The following CNTNAP5 variants were observed in gnomAD, a reference collection of about 807,000 sequenced individuals.
CNTNAP5 encodes the protein contactin-associated protein-like 5.
CNTNAP5 carries 72 observed loss-of-function variants against 150.2 expected under a neutral mutation model. That is an observed-to-expected ratio of 0.48 (90% CI 0.40 to 0.58). The LOEUF is 0.58. Among genes scored for constraint, CNTNAP5 ranks in the 20% least tolerant of loss-of-function variants. CNTNAP5 has a pLI of 0.00. For synonymous variants in CNTNAP5, 672 were observed against 619.8 expected (o/e 1.08, Z -1.25); for missense variants, 1,636 against 1,626.2 (o/e 1.01, Z -0.10).
chr2:124,579,721 T>C (rs961509787), intron 11 of CNTNAP5, among the ~76,000 whole-genome samples: 2 of 152,174 alleles, frequency 1.3e-5, no homozygotes, highest in Non-Finnish European at 2.9e-5. Context: ...AAATGAGTGA[T>C]CGTGAGGGCA....
chr2:124,194,633 T>C (rs1380630413), intron 1 of CNTNAP5, among the ~76,000 whole-genome samples: 1 of 150,720 alleles, frequency 6.6e-6, no homozygotes. Flanking sequence ...AAATTTTGCT[T>C]AGAATAATTT....
intron 7 of CNTNAP5, among the ~76,000 whole-genome samples, chr2:124,482,422 T>C (rs1693781526): frequency 6.6e-6 from 1 of 152,178 alleles, no homozygotes; most frequent in African/African-American, 2.4e-5. Context: ...TTCCTCCTCT[T>C]ATGGAAAGCA....
At chr2:124,531,131 G>A (rs745509494) in intron 10 of CNTNAP5, among the ~76,000 whole-genome samples, 30 of 152,040 alleles carry the variant, frequency 2.0e-4, no homozygotes, top group African/African-American at 6.0e-4. Context: ...GGTGATCGAA[G>A]ACAGTGACAG....
At chr2:124,767,777 C>T (rs1006981749) in intron 16 of CNTNAP5, among the ~76,000 whole-genome samples, 2 of 152,116 alleles carry the variant, frequency 1.3e-5, no homozygotes, top group African/African-American at 4.8e-5. Context: ...GGACTGGCTT[C>T]GTTTATGGTT....
intron 3 of CNTNAP5, among the ~76,000 whole-genome samples, chr2:124,356,628 A>T (rs1360635387): frequency 6.6e-6 from 1 of 152,054 alleles, no homozygotes; most frequent in Non-Finnish European, 1.5e-5. Flanking sequence ...CCTACAAAGG[A>T]CATGAGCTCA....
At chr2:124,603,360 T>A (rs1179134605) in intron 11 of CNTNAP5, among the ~76,000 whole-genome samples, 1 of 152,202 alleles carries the variant, frequency 6.6e-6, no homozygotes, top group Non-Finnish European at 1.5e-5. Context: ...GTGTTACATA[T>A]GTCTTATTGT....
intron 12 of CNTNAP5, among the ~76,000 whole-genome samples, chr2:124,622,154 G>T (rs895932743): frequency 2.0e-4 from 30 of 149,576 alleles, no homozygotes; most frequent in Non-Finnish European, 3.0e-5. Context: ...AGTGTGTGTT[G>T]TTCCCCCTCC....
At chr2:124,162,416 T>C (rs1368217585) in intron 1 of CNTNAP5, among the ~76,000 whole-genome samples, 2 of 152,316 alleles carry the variant, frequency 1.3e-5, no homozygotes, top group East Asian at 3.9e-4. Context: ...CAGTTACTCA[T>C]GTGATGCCAC....
intron 1 of CNTNAP5, among the ~76,000 whole-genome samples, chr2:124,210,802 T>C (rs548717583): frequency 1.3e-5 from 2 of 152,332 alleles, no homozygotes; most frequent in East Asian, 3.9e-4. Flanking sequence ...TTTTTAAGTT[T>C]ATAATCTTCA....
intron 14 of CNTNAP5, among the ~76,000 whole-genome samples, chr2:124,754,852 C>G (rs1680805144): frequency 6.6e-6 from 1 of 151,744 alleles, no homozygotes; most frequent in Non-Finnish European, 1.5e-5. Flanking sequence ...TGTGCCCAGC[C>G]TACATTTTTT....
intron 1 of CNTNAP5, among the ~76,000 whole-genome samples, chr2:124,167,051 G>T (rs1433503260): frequency 6.6e-6 from 1 of 151,458 alleles, no homozygotes; most frequent in Non-Finnish European, 1.5e-5. Flanking sequence ...TATATTTTTT[G>T]TCCTGTCGTC....
intron 1 of CNTNAP5, among the ~76,000 whole-genome samples, chr2:124,189,966 T>C (rs1161301264): frequency 6.6e-6 from 1 of 152,226 alleles, no homozygotes; most frequent in Non-Finnish European, 1.5e-5. Context: ...TGAACAAGTC[T>C]TTTAACTTCA....
chr2:124,334,913 A>G (rs1009252178), intron 3 of CNTNAP5, among the ~76,000 whole-genome samples: 1 of 152,088 alleles, frequency 6.6e-6, no homozygotes. Context: ...ATTTATTCCA[A>G]CAGAGACTCA....
intron 8 of CNTNAP5, 149 bp downstream of exon 8, chr2:124,504,705 T>C: frequency 8.6e-6 from 1 of 115,998 alleles, no homozygotes. Context: ...GAGGCAGCAT[T>C]TTTTTTTTTT....
At chr2:124,816,899 G>T (rs771222082) in intron 19 of CNTNAP5, among the ~76,000 whole-genome samples, 1 of 152,104 alleles carries the variant, frequency 6.6e-6, no homozygotes, top group Non-Finnish European at 1.5e-5. Context: ...CTAATCATGC[G>T]AATGATATCA....
intron 3 of CNTNAP5, among the ~76,000 whole-genome samples, chr2:124,360,989 T>C (rs1690181314): frequency 7.5e-6 from 1 of 132,742 alleles, no homozygotes; most frequent in African/African-American, 2.9e-5. Context: ...CCCATATTTC[T>C]TGGAGGCTTT....
At chr2:124,178,967 G>T (rs1048848158) in intron 1 of CNTNAP5, among the ~76,000 whole-genome samples, 1 of 150,658 alleles carries the variant, frequency 6.6e-6, no homozygotes, top group African/African-American at 2.4e-5. Context: ...TTGTGTGTGT[G>T]TGAGAGACAG....
intron 1 of CNTNAP5, among the ~76,000 whole-genome samples, chr2:124,091,529 G>A (rs1313345340): frequency 6.6e-6 from 1 of 152,132 alleles, no homozygotes; most frequent in Non-Finnish European, 1.5e-5. Context: ...TGAATATGGG[G>A]TTGCCAGGCA....
At chr2:124,566,499 A>G (rs921960041) in intron 11 of CNTNAP5, among the ~76,000 whole-genome samples, 1 of 152,182 alleles carries the variant, frequency 6.6e-6, no homozygotes, top group Non-Finnish European at 1.5e-5. Context: ...GTCAAGCCTG[A>G]TGAGCAGGAG....
Sources: gnomAD v4.1 joint callset for allele counts (sites outside exome capture counted in the v4.1 genomes callset) on GRCh38, gnomAD v4.1.1 for gene constraint, MANE v1.5 for transcripts, NCBI Gene and HGNC (gene_info 2026-07-23, HGNC 2026-07-21) for gene names.